The following NCOR1 variants were observed in gnomAD, a reference collection of about 807,000 sequenced individuals.
NCOR1 encodes protein phosphatase 1, regulatory subunit 109.
A neutral mutation model predicts 288.1 loss-of-function variants in NCOR1; 63 were observed. That is an observed-to-expected ratio of 0.22 (90% CI 0.18 to 0.27). NCOR1 has a LOEUF of 0.27. NCOR1 is among the 10% of genes least tolerant of loss of function. The pLI, the probability that NCOR1 is intolerant of heterozygous loss-of-function variation, is 1.00. For missense variants in NCOR1, 2,397 were observed against 3,019.2 expected (o/e 0.79, Z 4.83); for synonymous variants, 1,007 against 1,065.9 (o/e 0.94, Z 1.08).
chr17:16,127,707 G>A lies in NCOR1; in HGVS notation c.1510-1501C>T, dbSNP rs938816334. On this transcript the variant is annotated intron_variant, in intron 14 of 45. Coordinates refer to ENST00000268712, the MANE Select transcript of NCOR1 (RefSeq NM_006311.4). ...TGTATATATACATATATGTATATAT[G>A]TGTGTGTATATATACATATATGTGT... Among the ~76,000 whole-genome samples, 9 of 127,572 alleles carry A rather than the reference G, an allele frequency of 7.1e-5. 1 individual carries two copies. Among genetic ancestry groups the A allele is most frequent in the African/African-American group, 1.5e-4 (5 of 33,722 alleles). The allele number at this position is 127,572 out of a possible 152,430, so 83.7% of individuals were successfully genotyped here.
At chr17:16,137,819 T>C (rs2076631233) in intron 13 of NCOR1, 1 of 254,470 alleles carries the variant, frequency 3.9e-6, no homozygotes, top group Admixed American at 5.3e-5. Context: ...GCAGAGGCCA[T>C]GCTAATCTCT....
At chr17:16,066,664 C>T (rs1480940998) in intron 32 of NCOR1, among the ~76,000 whole-genome samples, 1 of 152,226 alleles carries the variant, frequency 6.6e-6, no homozygotes. Context: ...CTAGGTAAGT[C>T]TGTCAGCTGA....
intron 14 of NCOR1, among the ~76,000 whole-genome samples, chr17:16,134,416 A>C (rs1473967948): frequency 6.6e-6 from 1 of 152,332 alleles, no homozygotes; most frequent in Non-Finnish European, 1.5e-5. Flanking sequence ...TGACCAACCC[A>C]AAACTGAGCC....
Position 16,079,362 on chromosome 17 carries a change from A to G in NCOR1, c.3501+602T>C, listed in dbSNP as rs181196974. 2.0e-4 allele frequency among the ~76,000 whole-genome samples: 30 copies of G among 152,372 alleles called. No individual in the cohort carries two copies. The East Asian group carries it at 5.6e-3, about 28-fold the overall frequency. ...TGCAAGGCACAGGTTTCTGTTTACA[A>G]TGATTTCCCAAAACAGAATTTTCCC... is the stretch of plus-strand genomic sequence containing the variant. On this transcript the variant is annotated intron_variant, in intron 26 of 45. Transcript: ENST00000268712.
chr17:16,069,134 C>G (rs2061457477), intron 31 of NCOR1, among the ~76,000 whole-genome samples: 1 of 152,160 alleles, frequency 6.6e-6, no homozygotes, highest in Admixed American at 6.5e-5. Flanking sequence ...GTGTAACCAT[C>G]ACATCTAATT....
Position 16,070,455 on chromosome 17 carries a change from G to A in NCOR1, c.4223C>T (p.Thr1408Met), listed in dbSNP as rs763886173. 2.5e-6 allele frequency: 4 copies of A among 1,614,152 alleles called. No homozygotes were observed. The highest frequency in any genetic ancestry group is 2.2e-5 in the South Asian group (2 of 91,086). ...TCCACGGGATAGTTTGCTAGGCCCC[G>A]TGATTAAGGATTTGACATTGTGTTT... is the stretch of plus-strand genomic sequence containing the variant. The part of the protein sequence containing the change: ...AIKHNVKSLI[T>M]GPSKLSRGMP... The change falls in exon 31 of 46, where the codon ACG (threonine) becomes ATG (methionine). Residue 1408 changes from threonine to methionine, a missense_variant. Physicochemically the swap from Thr to Met is moderately conservative, Grantham distance 81. Transcript: ENST00000268712.
intron 5 of NCOR1, among the ~76,000 whole-genome samples, chr17:16,160,807 A>G (rs2080695108): frequency 1.3e-5 from 2 of 152,108 alleles, no homozygotes; most frequent in Non-Finnish European, 2.9e-5. Context: ...AACTAAATAA[A>G]TAAGAGTGAC....
At chr17:16,193,197 A>G (rs966877198) in intron 2 of NCOR1, among the ~76,000 whole-genome samples, 2 of 152,122 alleles carry the variant, frequency 1.3e-5, no homozygotes, top group Non-Finnish European at 2.9e-5. Context: ...TCTAATATAG[A>G]TATATGTGTA....
At chr17:16,174,810 A>G (rs1004158055) in intron 3 of NCOR1, among the ~76,000 whole-genome samples, 2 of 152,214 alleles carry the variant, frequency 1.3e-5, no homozygotes, top group African/African-American at 4.8e-5. Flanking sequence ...GTAGAATGGT[A>G]TACTTTGAAA....
intron 22 of NCOR1, 149 bp from the exon 23 acceptor site, chr17:16,086,591 A>C: frequency 4.0e-6 from 3 of 754,618 alleles, no homozygotes; most frequent in African/African-American, 1.8e-5. Context: ...TAAATTTCTC[A>C]TTCACGTAAG....
intron 40 of NCOR1, among the ~76,000 whole-genome samples, chr17:16,050,934 G>A (rs570113542): frequency 3.3e-5 from 5 of 152,162 alleles, no homozygotes; most frequent in Admixed American, 2.0e-4. Flanking sequence ...CTGCGCTCAC[G>A]TGATCCTCCC....
At chr17:16,195,478 A>AG (rs2089581459) in intron 1 of NCOR1, among the ~76,000 whole-genome samples, 1 of 150,316 alleles carries the variant, frequency 6.7e-6, no homozygotes, top group South Asian at 2.1e-4. Context: ...CTCAAAAAAA[A>AG]AAAGAAAGAA....
intron 11 of NCOR1, among the ~76,000 whole-genome samples, chr17:16,139,538 C>G (rs1173471481): frequency 6.6e-6 from 1 of 152,100 alleles, no homozygotes; most frequent in Non-Finnish European, 1.5e-5. Context: ...ATTTAATTAT[C>G]ATATTAGTCT....
chr17:16,213,893 G>A (rs1234940645), intron 1 of NCOR1, among the ~76,000 whole-genome samples: 3 of 152,150 alleles, frequency 2.0e-5, no homozygotes, highest in Non-Finnish European at 4.4e-5. Context: ...AAAGGAAAGA[G>A]TATTTTAGTA....
intron 3 of NCOR1, among the ~76,000 whole-genome samples, chr17:16,177,566 A>G (rs765678782): frequency 2.0e-5 from 3 of 152,118 alleles, no homozygotes; most frequent in Non-Finnish European, 4.4e-5. Context: ...AAGAATAGGT[A>G]TGGCTTTCTA....
intron 30 of NCOR1, 38 bp downstream of exon 30, chr17:16,071,371 A>T: frequency 4.4e-6 from 7 of 1,588,406 alleles, no homozygotes; most frequent in Non-Finnish European, 5.1e-6. Context: ...TGTTCCATAA[A>T]TATCAGTTAC....
At chr17:16,140,713 C>G (rs1001650980) in intron 11 of NCOR1, among the ~76,000 whole-genome samples, 1 of 152,160 alleles carries the variant, frequency 6.6e-6, no homozygotes, top group Non-Finnish European at 1.5e-5. Flanking sequence ...ACTCGGGAGG[C>G]TGAGGGAGTA....
In NCOR1 at chr17:16,073,581, A is replaced by G. The variant is rs2152751130; in HGVS notation, c.3671-12T>C. 6.3e-7 allele frequency: 1 copy of G among 1,588,362 alleles called. No individual in the cohort carries two copies. Among genetic ancestry groups the G allele is most frequent in the East Asian group, 2.3e-5 (1 of 43,596 alleles). On this transcript the variant is annotated splice_polypyrimidine_tract_variant and intron_variant, in intron 27 of 45. Transcript: ENST00000268712. The stretch of plus-strand genomic sequence containing the variant: ...GGCATTCTTAATATCTACAGAATAC[A>G]CAAACAAGACTTGCTCAGACGGAGC...
Position 16,032,083 on chromosome 17 carries a change from T to C in NCOR1, c.*213A>G. 2 of 520,688 alleles carry C rather than the reference T, an allele frequency of 3.8e-6. No individual in the cohort carries two copies. The highest frequency in any genetic ancestry group is 6.7e-6 in the Non-Finnish European group (2 of 300,636). 32.3% of individuals were successfully genotyped at this position (520,688 alleles called of 1,614,324 possible). On this transcript the variant is annotated 3_prime_UTR_variant, in exon 46 of 46. Transcript: ENST00000268712. ...TCCACTATTATTATAGTCCACTGAA[T>C]TGCCTGTATCAAAGGCAGTTTTTTG... is the stretch of plus-strand genomic sequence containing the variant.
Sources: allele counts gnomAD v4.1 joint callset (sites outside exome capture counted in the v4.1 genomes callset), GRCh38; gene constraint gnomAD v4.1.1; transcripts MANE v1.5; gene names NCBI Gene and HGNC (gene_info 2026-07-23, HGNC 2026-07-21).